ZNF487: variants seen among roughly 807,000 people sequenced by gnomAD.
The protein encoded by ZNF487 is KRAB domain only 1.
In ZNF487, 4 loss-of-function variants were observed where a neutral mutation model predicts 3.0. The observed-to-expected ratio is 1.35, with a 90% confidence interval of 0.66 to 3.08. ZNF487 has a LOEUF of 3.08. ZNF487 is among the 30% of genes most tolerant of loss of function. The pLI is 0.01. For synonymous variants in ZNF487, 55 were observed against 34.6 expected, an observed-to-expected ratio of 1.59 and a Z score of -2.06; for missense variants, 146 against 98.7, an observed-to-expected ratio of 1.48 and a Z score of -2.03.
chr10:43,455,331 C>T (rs1371919176), intron 1 of ZNF487, among the ~76,000 whole-genome samples: 1 of 152,144 alleles, frequency 6.6e-6, no homozygotes, highest in Non-Finnish European at 1.5e-5. Flanking sequence ...TTTTATTCAC[C>T]CCCAAATTCT....
At chr10:43,453,529 A>C (rs1355262407) in intron 1 of ZNF487, 2 of 152,208 alleles carry the variant, frequency 1.3e-5, no homozygotes, top group African/African-American at 4.8e-5. Context: ...CTCAGTGCAG[A>C]GTTTCAGATG....
the ZNF487 span, among the ~76,000 whole-genome samples, chr10:43,513,392 A>G: frequency 1.3e-5 from 2 of 152,218 alleles, no homozygotes; most frequent in Non-Finnish European, 2.9e-5. Context: ...CATCTGGTAC[A>G]GCAGCTGCAA....
At chr10:43,470,085 C>T (rs1313836276) in intron 1 of ZNF487, among the ~76,000 whole-genome samples, 2 of 152,212 alleles carry the variant, frequency 1.3e-5, no homozygotes, top group African/African-American at 4.8e-5. Context: ...ACTCAAGTGA[C>T]ATTTGCTTTA....
intron 1 of ZNF487, among the ~76,000 whole-genome samples, chr10:43,440,054 A>ATGTTTTT (rs201307017): frequency 4.0e-4 from 59 of 147,638 alleles, no homozygotes; most frequent in Admixed American, 1.8e-3. Context: ...ATATATATAT[A>ATGTTTTT]TTTTTTTTTT....
intron 1 of ZNF487, among the ~76,000 whole-genome samples, chr10:43,468,448 G>A (rs891894114): frequency 1.3e-5 from 2 of 151,850 alleles, no homozygotes; most frequent in Non-Finnish European, 2.9e-5. Context: ...TGGAGGCTGA[G>A]GCAGGTGGAT....
chr10:43,443,658 G>C (rs1197229026), intron 1 of ZNF487, among the ~76,000 whole-genome samples: 2 of 151,722 alleles, frequency 1.3e-5, no homozygotes, highest in African/African-American at 2.4e-5. Context: ...ACAGGAGTGA[G>C]CCACCATGCC....
At chr10:43,484,604 CAA>C (rs139830405), downstream of ZNF487, among the ~76,000 whole-genome samples, 1 of 143,832 alleles carries the variant, frequency 7.0e-6, no homozygotes, top group Non-Finnish European at 1.5e-5. Flanking sequence ...AAGACTGTTT[CAA>C]AAAAAAAAAG....
chr10:43,440,173 C>T (rs1269121740), intron 1 of ZNF487, among the ~76,000 whole-genome samples: 3 of 151,564 alleles, frequency 2.0e-5, no homozygotes, highest in Non-Finnish European at 4.4e-5. Flanking sequence ...CTCAGCCTCC[C>T]GAGTAGCTAG....
At chr10:43,495,157 T>C in the ZNF487 span, among the ~76,000 whole-genome samples, 10 of 151,984 alleles carry the variant, frequency 6.6e-5, no homozygotes, top group South Asian at 2.1e-3. Flanking sequence ...CAAACAGTAC[T>C]ATTTGTAGTT....
intron 3 of ZNF487, among the ~76,000 whole-genome samples, chr10:43,477,916 C>T (rs561618331): frequency 8.0e-5 from 12 of 150,546 alleles, no homozygotes; most frequent in African/African-American, 2.9e-4. Context: ...CACTATTGTA[C>T]TTCAGCCTGG....
downstream of ZNF487, among the ~76,000 whole-genome samples, chr10:43,483,988 C>G (rs1841447291): frequency 1.3e-5 from 2 of 152,156 alleles, no homozygotes; most frequent in African/African-American, 4.8e-5. Context: ...TCTGCCTCAG[C>G]CTCCTGAGTA....
chr10:43,443,360 G>C (rs2132036777), intron 1 of ZNF487, among the ~76,000 whole-genome samples: 1 of 149,522 alleles, frequency 6.7e-6, no homozygotes, highest in African/African-American at 2.5e-5. Flanking sequence ...TATCCTGCTG[G>C]GCCTAGTTTT....
chr10:43,494,854 T>C, the ZNF487 span, among the ~76,000 whole-genome samples: 206 of 148,722 alleles, frequency 1.4e-3, 1 homozygote, highest in Middle Eastern at 3.5e-3. Flanking sequence ...GGAGAATCAC[T>C]TGGACCTGGG....
the ZNF487 span, among the ~76,000 whole-genome samples, chr10:43,504,298 T>TC: frequency 2.3e-5 from 3 of 128,808 alleles, no homozygotes; most frequent in South Asian, 7.7e-4. Context: ...TCTTTCTTTT[T>TC]TTTTTTTTTT....
At chr10:43,487,634 A>T (rs1483745441), downstream of ZNF487, among the ~76,000 whole-genome samples, 1 of 151,242 alleles carries the variant, frequency 6.6e-6, no homozygotes, top group Non-Finnish European at 1.5e-5. Flanking sequence ...TATTTTTAGT[A>T]GAGATGAGGG....
At chr10:43,515,022 C>A in the ZNF487 span, among the ~76,000 whole-genome samples, 12 of 152,298 alleles carry the variant, frequency 7.9e-5, no homozygotes, top group Admixed American at 2.6e-4. Context: ...GCTAACCAAG[C>A]AAATAAACTA....
the ZNF487 span, among the ~76,000 whole-genome samples, chr10:43,498,093 A>ATTTT: frequency 7.5e-5 from 1 of 13,268 alleles, no homozygotes; most frequent in Non-Finnish European, 1.4e-4. Context: ...ATATATATAT[A>ATTTT]TATATATTTT....
At chr10:43,473,558 G>A (rs1840981612) in intron 1 of ZNF487, among the ~76,000 whole-genome samples, 1 of 146,952 alleles carries the variant, frequency 6.8e-6, no homozygotes, top group Non-Finnish European at 1.5e-5. Context: ...TTGCTTTGTT[G>A]CCCAGGCTGG....
chr10:43,453,952 A>G (rs1840089216), intron 1 of ZNF487: 1 of 152,236 alleles, frequency 6.6e-6, no homozygotes, highest in Non-Finnish European at 1.5e-5. Context: ...AATAATATGA[A>G]TAAATATTTG....
Sources: allele counts gnomAD v4.1 joint callset (sites outside exome capture counted in the v4.1 genomes callset), GRCh38; gene constraint gnomAD v4.1.1; transcripts MANE v1.5; gene names NCBI Gene and HGNC (gene_info 2026-07-23, HGNC 2026-07-21).